PPM1H: variants seen among roughly 807,000 people sequenced by gnomAD.
PPM1H encodes protein phosphatase, Mg2+/Mn2+ dependent 1H.
PPM1H carries 27 observed loss-of-function variants against 54.9 expected under a neutral mutation model. That is an observed-to-expected ratio of 0.49 (90% confidence interval 0.36 to 0.68). The LOEUF is 0.68. Ranked by LOEUF, PPM1H falls within the 30% of genes least tolerant of loss-of-function variation. PPM1H has a pLI of 0.00. For synonymous variants in PPM1H, 305 were observed against 270.8 expected, an observed-to-expected ratio of 1.13 and a Z score of -1.24; for missense variants, 596 against 667.8, an observed-to-expected ratio of 0.89 and a Z score of 1.19.
intron 9 of PPM1H, among the ~76,000 whole-genome samples, chr12:62,665,061 T>G (rs1198992428): frequency 2.6e-5 from 4 of 152,126 alleles, no homozygotes; most frequent in African/African-American, 9.7e-5. Flanking sequence ...CTTTCTCTTT[T>G]TTTTGGGACA....
intron 1 of PPM1H, among the ~76,000 whole-genome samples, chr12:62,914,721 A>G (rs551699466): frequency 6.6e-6 from 1 of 152,348 alleles, no homozygotes; most frequent in African/African-American, 2.4e-5. Flanking sequence ...TAGAAGTGAC[A>G]CTTCATTTAT....
chr12:62,838,646 G>GT (rs1868590425), intron 1 of PPM1H, among the ~76,000 whole-genome samples: 1 of 144,496 alleles, frequency 6.9e-6, no homozygotes, highest in African/African-American at 2.7e-5. Context: ...CTCTGGCCGG[G>GT]CGCGGTGGCT....
chr12:62,759,230 G>T (rs2076492667), intron 4 of PPM1H, among the ~76,000 whole-genome samples: 1 of 152,160 alleles, frequency 6.6e-6, no homozygotes, highest in South Asian at 2.1e-4. Flanking sequence ...GGGTAAGTGG[G>T]ACTCCTTCGG....
At chr12:62,708,112 A>G (rs960392321) in intron 6 of PPM1H, among the ~76,000 whole-genome samples, 3 of 152,246 alleles carry the variant, frequency 2.0e-5, no homozygotes, top group African/African-American at 7.2e-5. Flanking sequence ...CTAGTTCTGA[A>G]ACACCGCTGG....
chr12:62,748,674 G>A (rs1212170618), intron 4 of PPM1H, among the ~76,000 whole-genome samples: 4 of 152,190 alleles, frequency 2.6e-5, no homozygotes, highest in Middle Eastern at 3.2e-3. Context: ...GATAAAGACT[G>A]TGGGGCAAAG....
chr12:62,907,880 C>T (rs1332740085), intron 1 of PPM1H, among the ~76,000 whole-genome samples: 2 of 152,160 alleles, frequency 1.3e-5, no homozygotes, highest in Non-Finnish European at 1.5e-5. Context: ...CATGGCTGTC[C>T]TTGTAATGCT....
rs550684793 is a variant in PPM1H, at chr12:62,839,635, A to T, written c.246-7356T>A. On this transcript the variant is annotated intron_variant, in intron 1 of 9. Coordinates refer to ENST00000228705, the MANE Select transcript of PPM1H (RefSeq NM_020700.2). Reference sequence around the variant, plus strand: ...CATTTGAATCTGTAACCTTGCAATTAGATCTCTGTGACTTTATGAGTAAAT... The same window carrying T: ...CATTTGAATCTGTAACCTTGCAATTTGATCTCTGTGACTTTATGAGTAAAT... Among the ~76,000 whole-genome samples, 89 of 150,268 alleles carry T rather than the reference A, an allele frequency of 5.9e-4. 2 individuals carry two copies. In the South Asian group the frequency reaches 0.018, roughly 31 times the overall value.
intron 2 of PPM1H, among the ~76,000 whole-genome samples, chr12:62,818,261 T>C (rs534284364): frequency 7.4e-4 from 113 of 152,228 alleles, no homozygotes; most frequent in Middle Eastern, 6.8e-3. Context: ...CCTCCTCTTA[T>C]CTCATTCCTG....
In PPM1H at chr12:62,709,502, C is replaced by T. The variant is rs543534487; in HGVS notation, c.1073+10669G>A. Among the ~76,000 whole-genome samples, 81 of 152,238 alleles carry T rather than the reference C, an allele frequency of 5.3e-4. 1 individual carries two copies. Among genetic ancestry groups the T allele is most frequent in the African/African-American group, 1.9e-3 (81 of 41,546 alleles). ...TCTGCTGGCACAGTGCCCTTTGCTC[C>T]GAATGTCCTTCTCTCCAAACTTCTT... On this transcript the variant is annotated intron_variant, in intron 6 of 9. Coordinates refer to ENST00000228705, the MANE Select transcript of PPM1H (RefSeq NM_020700.2).
chr12:62,875,739 G>A (rs1389745215), intron 1 of PPM1H, among the ~76,000 whole-genome samples: 1 of 152,142 alleles, frequency 6.6e-6, no homozygotes, highest in Non-Finnish European at 1.5e-5. Context: ...CACTGGGCTG[G>A]TTCAAAATGG....
At chr12:62,719,204 T>C (rs1351338486) in intron 6 of PPM1H, among the ~76,000 whole-genome samples, 1 of 152,188 alleles carries the variant, frequency 6.6e-6, no homozygotes, top group Non-Finnish European at 1.5e-5. Flanking sequence ...GTATGTACCC[T>C]GGCAGTAGAT....
chr12:62,908,145 G>A (rs988920243), intron 1 of PPM1H, among the ~76,000 whole-genome samples: 1 of 152,150 alleles, frequency 6.6e-6, no homozygotes, highest in African/African-American at 2.4e-5. Context: ...TGGGTGCGGT[G>A]GCTCATGCCT....
intron 8 of PPM1H, among the ~76,000 whole-genome samples, chr12:62,682,234 A>G (rs900785449): frequency 6.6e-6 from 1 of 152,182 alleles, no homozygotes. Flanking sequence ...TTTTTTCTGC[A>G]TATCATCACT....
chr12:62,791,405 C>A (rs974711642), intron 3 of PPM1H, among the ~76,000 whole-genome samples: 24 of 152,110 alleles, frequency 1.6e-4, no homozygotes, highest in African/African-American at 5.1e-4. Flanking sequence ...CCAAACCCTA[C>A]TAAGGGGTTT....
rs556435721 is a variant in PPM1H, at chr12:62,714,977, C to G, written c.1073+5194G>C. Among the ~76,000 whole-genome samples, 7 of 152,334 alleles carry G rather than the reference C, an allele frequency of 4.6e-5. No individual in the cohort carries two copies. The South Asian group carries it at 1.4e-3, about 32-fold the overall frequency. On this transcript the variant is annotated intron_variant, in intron 6 of 9. Transcript: ENST00000228705. ...AGCCCCCTCCCACACACATGTCCCT[C>G]TGGGTCCCTGGCTTGCTTGCCACCC...
intron 9 of PPM1H, among the ~76,000 whole-genome samples, chr12:62,660,995 T>C (rs2075879549): frequency 6.6e-6 from 1 of 152,162 alleles, no homozygotes; most frequent in South Asian, 2.1e-4. Flanking sequence ...ACAGACTTCC[T>C]TTAACACAAA....
At chr12:62,881,558 G>A (rs963121612) in intron 1 of PPM1H, among the ~76,000 whole-genome samples, 2 of 152,152 alleles carry the variant, frequency 1.3e-5, no homozygotes, top group African/African-American at 4.8e-5. Context: ...AAATTGCCTA[G>A]CCAGTTCTCA....
chr12:62,702,544 C>G (rs900760108), intron 6 of PPM1H, among the ~76,000 whole-genome samples: 2 of 140,644 alleles, frequency 1.4e-5, no homozygotes, highest in African/African-American at 5.5e-5. Context: ...CCTTGAGCTA[C>G]AGAGAGAGAG....
intron 8 of PPM1H, among the ~76,000 whole-genome samples, chr12:62,686,923 T>C (rs1240199216): frequency 6.6e-6 from 1 of 152,058 alleles, no homozygotes; most frequent in African/African-American, 2.4e-5. Flanking sequence ...AAGTGGTGGG[T>C]CTAGGTGACT....
Sources: gnomAD v4.1 joint callset for allele counts (sites outside exome capture counted in the v4.1 genomes callset) on GRCh38, gnomAD v4.1.1 for gene constraint, MANE v1.5 for transcripts, NCBI Gene and HGNC (gene_info 2026-07-23, HGNC 2026-07-21) for gene names.